FBXL3: variants seen among roughly 807,000 people sequenced by gnomAD.
FBXL3 encodes F-box and leucine rich repeat protein 3.
Under a neutral mutation model 37.9 loss-of-function variants are expected in FBXL3, and 14 were observed. That is an observed-to-expected ratio of 0.37 (90% CI 0.24 to 0.58). The LOEUF (loss-of-function observed/expected upper bound fraction) is 0.58. Ranked by LOEUF, FBXL3 falls within the 20% of genes least tolerant of loss-of-function variation. FBXL3 has a pLI of 0.74. For synonymous variants in FBXL3, 194 were observed against 180.1 expected (o/e 1.08, Z -0.62); for missense variants, 327 against 511.1 (o/e 0.64, Z 3.47).
chr13:77,020,087 C>G (rs1056012546), intron 2 of FBXL3, among the ~76,000 whole-genome samples: 2 of 152,132 alleles, frequency 1.3e-5, no homozygotes, highest in Non-Finnish European at 2.9e-5. Context: ...CCTCTTTAGC[C>G]TTCTTCCCTG....
At position 77,021,794 on chromosome 13, in the gene FBXL3, T is replaced by G. The variant is rs1353551240; in HGVS notation, c.67A>C (p.Lys23Gln). ...SEEGTAEKSK[K>Q]LRTTNEHSQT... Reference sequence around the variant, plus strand: ...GAATGCTCATTTGTAGTCCTCAGTTTCTTGGATTTCTCTGCAGTTCCTTCT... The same window carrying G: ...GAATGCTCATTTGTAGTCCTCAGTTGCTTGGATTTCTCTGCAGTTCCTTCT... The change falls in exon 2 of 5, where the codon AAA becomes CAA. Residue 23 changes from lysine to glutamine, a missense_variant. Coordinates refer to ENST00000355619, the MANE Select transcript of FBXL3 (RefSeq NM_012158.4). 6.2e-7 allele frequency: 1 copy of G among 1,613,808 alleles called. No individual in the cohort carries two copies. Among genetic ancestry groups the G allele is most frequent in the East Asian group, 2.2e-5 (1 of 44,890 alleles).
rs2034459827 is a variant in FBXL3 at position 77,006,853 on chromosome 13, G to T, written c.*292C>A. ...ACTTCTTGGATATTATAACATATAG[G>T]TTTTGTTTCCTTTAGACTGTAAACT... On this transcript the variant is annotated 3_prime_UTR_variant, in exon 5 of 5. Transcript: ENST00000355619. The T allele has an allele frequency of 3.5e-6, 4 of 1,142,446 alleles. No individual in the cohort carries two copies. The highest frequency in any genetic ancestry group is 6.5e-5 in the South Asian group (2 of 30,980). The allele number at this position is 1,142,446 out of a possible 1,614,324, so 70.8% of individuals were successfully genotyped here. A position where few individuals can be genotyped will look rare whatever the true frequency, so the allele number is the denominator to read the frequency against.
At chr13:77,009,243 A>T (rs774870196) in intron 4 of FBXL3, 1 of 152,246 alleles carries the variant, frequency 6.6e-6, no homozygotes, top group Non-Finnish European at 1.5e-5. Context: ...AGATAAACTG[A>T]ATTACCAGAA....
chr13:77,013,281 G>A (rs980345902), intron 4 of FBXL3: 1 of 152,058 alleles, frequency 6.6e-6, no homozygotes, highest in Admixed American at 6.6e-5. Context: ...GTTTGACTCT[G>A]AAACAAAACT....
In FBXL3 at chr13:77,006,245, T is replaced by G. The variant is rs2034450165; in HGVS notation, c.*900A>C. 6.6e-6 allele frequency: 1 copy of G among 152,260 alleles called. No individual in the cohort carries two copies. Among genetic ancestry groups the G allele is most frequent in the Non-Finnish European group, 1.5e-5 (1 of 67,958 alleles). The allele number at this position is 152,260 out of a possible 1,614,324, so 9.4% of individuals were successfully genotyped here. On this transcript the variant is annotated 3_prime_UTR_variant, in exon 5 of 5. Transcript: ENST00000355619. Reference sequence around the variant, plus strand: ...ACTAATATTCTTTCATGGAAACAACTGATAAACATTTTAAAGTTCTATATT... The same window carrying G: ...ACTAATATTCTTTCATGGAAACAACGGATAAACATTTTAAAGTTCTATATT...
At chr13:77,018,574 G>A in intron 3 of FBXL3, 26 bp downstream of exon 3, 1 of 1,534,000 alleles carries the variant, frequency 6.5e-7, no homozygotes, top group Non-Finnish European at 8.7e-7. Context: ...CTCAGTAATA[G>A]ATAATAAAAC....
intron 4 of FBXL3, chr13:77,014,006 T>C (rs557410368): frequency 6.6e-6 from 1 of 152,332 alleles, no homozygotes; most frequent in African/African-American, 2.4e-5. Flanking sequence ...TGTTAAATGC[T>C]AGCAATAAAG....
rs929104192 is a variant in FBXL3, at chr13:77,017,919, T to A, written c.471+681A>T. On this transcript the variant is annotated intron_variant, in intron 3 of 4. Transcript: ENST00000355619. ...TTCAGTGTCTTCTGGGAAAAAAATA[T>A]CAAATTATTGTTGGATACTAACCTA... 1.8e-4 allele frequency: 27 copies of A among 152,044 alleles called. 1 individual carries two copies. The highest frequency in any genetic ancestry group is 1.8e-3 in the Admixed American group (27 of 15,258). The allele number at this position is 152,044 out of a possible 1,614,324, so 9.4% of individuals were successfully genotyped here.
chr13:77,008,299 C>G (rs756935060), intron 4 of FBXL3, among the ~76,000 whole-genome samples: 30 of 152,098 alleles, frequency 2.0e-4, no homozygotes, highest in Non-Finnish European at 4.0e-4. Flanking sequence ...ATGATCAAGT[C>G]TAATTGCTAA....
At chr13:77,025,494 G>A (rs992075954) in intron 1 of FBXL3, among the ~76,000 whole-genome samples, 2 of 152,028 alleles carry the variant, frequency 1.3e-5, no homozygotes, top group African/African-American at 4.8e-5. Flanking sequence ...AGGACAAGGC[G>A]GGCGGATCGC....
chr13:77,016,826 C>T (rs952588118), intron 3 of FBXL3: 1 of 152,128 alleles, frequency 6.6e-6, no homozygotes, highest in Admixed American at 6.6e-5. Flanking sequence ...CTACCACACC[C>T]AACCAAAACA....
chr13:77,015,376 A>C, intron 4 of FBXL3, 33 bp downstream of exon 4: 1 of 1,473,380 alleles, frequency 6.8e-7, no homozygotes, highest in South Asian at 1.5e-5. Flanking sequence ...AATGCATTTT[A>C]CTAAAATGTG....
At chr13:77,016,233 A>G (rs1213187330) in intron 3 of FBXL3, 1 of 152,206 alleles carries the variant, frequency 6.6e-6, no homozygotes, top group Non-Finnish European at 1.5e-5. Flanking sequence ...GTATGTACAT[A>G]TGTGTATATA....
chr13:77,011,328 AAGG>A (rs1263064149), intron 4 of FBXL3, among the ~76,000 whole-genome samples: 1 of 144,912 alleles, frequency 6.9e-6, no homozygotes, highest in Non-Finnish European at 1.5e-5. Context: ...GGGCAACAAG[AAGG>A]AGACTTTGTC....
chr13:77,009,620 G>A (rs1368336768), intron 4 of FBXL3: 5 of 152,220 alleles, frequency 3.3e-5, no homozygotes, highest in Admixed American at 2.0e-4. Context: ...TGCTGGAGAG[G>A]ATATGGAGAA....
At chr13:77,011,312 C>T (rs1430866102) in intron 4 of FBXL3, among the ~76,000 whole-genome samples, 1 of 139,942 alleles carries the variant, frequency 7.1e-6, no homozygotes, top group East Asian at 2.0e-4. Context: ...CTGCACTCTC[C>T]AGCCTGGGCA....
chr13:77,022,051 A>C (rs935800709), intron 1 of FBXL3, among the ~76,000 whole-genome samples, 190 bp from the exon 2 acceptor site: 2 of 152,236 alleles, frequency 1.3e-5, no homozygotes, highest in Non-Finnish European at 2.9e-5. Context: ...ATGGTTTTAT[A>C]AATTTTACAC....
chr13:77,006,662 T>C lies in FBXL3; in HGVS notation c.*483A>G. 1 of 282,274 alleles carries C rather than the reference T, an allele frequency of 3.5e-6. No homozygotes were observed. Among genetic ancestry groups the C allele is most frequent in the Non-Finnish European group, 5.4e-6 (1 of 186,070 alleles). 17.5% of individuals were successfully genotyped at this position (282,274 alleles called of 1,614,324 possible). A position where few individuals can be genotyped will look rare whatever the true frequency, so the allele number is the denominator to read the frequency against. On this transcript the variant is annotated 3_prime_UTR_variant, in exon 5 of 5. Transcript: ENST00000355619. ...ACATTTGAGAACATTCATCCAATCT[T>C]TTCCATTAGATATGATATATTCATT...
chr13:77,026,011 TAGA>T (rs1162769980), intron 1 of FBXL3, among the ~76,000 whole-genome samples: 8 of 152,040 alleles, frequency 5.3e-5, no homozygotes, highest in African/African-American at 1.9e-4. Context: ...TATAGATAGA[TAGA>T]TAACTGATAG....
Sources: allele counts gnomAD v4.1 joint callset (sites outside exome capture counted in the v4.1 genomes callset), GRCh38; gene constraint gnomAD v4.1.1; transcripts MANE v1.5; gene names NCBI Gene and HGNC (gene_info 2026-07-23, HGNC 2026-07-21).